The following FARP1 variants were observed in gnomAD, a reference collection of about 807,000 sequenced individuals.
FARP1 encodes the protein FERM, ARH/RhoGEF and pleckstrin domain protein 1.
Under a neutral mutation model 128.8 loss-of-function variants are expected in FARP1, and 52 were observed. That is an observed-to-expected ratio of 0.40 (90% confidence interval 0.32 to 0.51). FARP1 has a LOEUF of 0.51. Among genes scored for constraint, FARP1 ranks in the 20% least tolerant of loss-of-function variants. The pLI is 0.45. For missense variants in FARP1, 1,333 were observed against 1,367.9 expected, an observed-to-expected ratio of 0.97 and a Z score of 0.40; for synonymous variants, 580 against 551.8, an observed-to-expected ratio of 1.05 and a Z score of -0.72.
intron 2 of FARP1, among the ~76,000 whole-genome samples, chr13:98,280,973 A>G (rs1884908395): frequency 6.6e-6 from 1 of 152,232 alleles, no homozygotes; most frequent in Non-Finnish European, 1.5e-5. Flanking sequence ...CTAATCTGTT[A>G]CTACTTAATG....
chr13:98,441,061 CAT>C (rs932210985), intron 24 of FARP1, among the ~76,000 whole-genome samples: 42 of 152,372 alleles, frequency 2.8e-4, no homozygotes, highest in African/African-American at 8.7e-4. Flanking sequence ...CAAATGCAGT[CAT>C]ATCCCTTGGT....
chr13:98,287,193 A>C (rs1885212926), intron 2 of FARP1, among the ~76,000 whole-genome samples: 1 of 142,476 alleles, frequency 7.0e-6, no homozygotes, highest in Admixed American at 7.1e-5. Context: ...TTTCCAAATT[A>C]ACCATCAGAC....
At chr13:98,392,497 T>C (rs1198343324) in intron 11 of FARP1, among the ~76,000 whole-genome samples, 6 of 145,136 alleles carry the variant, frequency 4.1e-5, no homozygotes, top group Non-Finnish European at 5.9e-5. Context: ...CGAGATCCTG[T>C]CCCAAAAAAA....
chr13:98,334,371 A>G lies in FARP1; in HGVS notation c.172-9391A>G, dbSNP rs191823299. On this transcript the variant is annotated intron_variant, in intron 2 of 26. Transcript: ENST00000319562. ...GTAGTAACACCCTGTTCTGGCTTCT[A>G]ATATACTTTTGATACACACAGGCAG... The G allele has an allele frequency of 2.6e-5, 4 of 152,266 alleles. No homozygotes were observed. The East Asian group carries it at 5.8e-4, about 22-fold the overall frequency. The allele number at this position is 152,266 out of a possible 1,614,324, so 9.4% of individuals were successfully genotyped here.
At chr13:98,292,514 AC>A (rs1885495248) in intron 2 of FARP1, among the ~76,000 whole-genome samples, 1 of 152,246 alleles carries the variant, frequency 6.6e-6, no homozygotes, top group South Asian at 2.1e-4. Flanking sequence ...GTCACTTGCC[AC>A]ATGTGGCTAT....
chr13:98,259,494 C>T (rs1337261878), intron 2 of FARP1, among the ~76,000 whole-genome samples: 1 of 152,040 alleles, frequency 6.6e-6, no homozygotes, highest in African/African-American at 2.4e-5. Flanking sequence ...GTTGGGCCTC[C>T]CTCAGGCTTG....
Position 98,176,562 on chromosome 13 carries a change from C to T in FARP1, c.-24+33070C>T, listed in dbSNP as rs116765314. 677 of 1,614,220 alleles carry T rather than the reference C, an allele frequency of 4.2e-4. 2 individuals carry two copies. In the African/African-American group the frequency reaches 8.4e-3, roughly 20 times the overall value. On this transcript the variant is annotated intron_variant, in intron 1 of 26. Transcript: ENST00000319562. This position sits in a 1 kb window ranked among gnomAD's most constrained non-coding sequence, Gnocchi z 6.2. The stretch of plus-strand genomic sequence containing the variant: ...GACCCTCTTCAAGCTCCCGTTCAAT[C>T]TCCCACCCGAGCTTGTAATCGGAAC...
At chr13:98,183,720 G>C (rs1275079294) in intron 1 of FARP1, among the ~76,000 whole-genome samples, 1 of 152,152 alleles carries the variant, frequency 6.6e-6, no homozygotes, top group African/African-American at 2.4e-5. Flanking sequence ...AAACTGGTGT[G>C]GGGTATGCTG....
chr13:98,399,503 G>A (rs1890679437), intron 13 of FARP1: 1 of 152,278 alleles, frequency 6.6e-6, no homozygotes, highest in Non-Finnish European at 1.5e-5. Context: ...TGAACTAAGA[G>A]TGGAGGAAGG....
chr13:98,363,395 T>C (rs2139957473), intron 3 of FARP1, among the ~76,000 whole-genome samples: 1 of 152,304 alleles, frequency 6.6e-6, no homozygotes, highest in East Asian at 1.9e-4. Flanking sequence ...TATTGTGGTG[T>C]TTTGACATCT....
chr13:98,322,283 A>G (rs1887029205), intron 2 of FARP1, among the ~76,000 whole-genome samples: 1 of 152,234 alleles, frequency 6.6e-6, no homozygotes, highest in African/African-American at 2.4e-5. Flanking sequence ...GGGTGACAAG[A>G]GTGAAACTCC....
At chr13:98,198,003 C>A (rs1414240514) in intron 1 of FARP1, among the ~76,000 whole-genome samples, 5 of 152,122 alleles carry the variant, frequency 3.3e-5, no homozygotes, top group Non-Finnish European at 7.4e-5. Flanking sequence ...AACAATAATT[C>A]TTTACAGTTT....
intron 1 of FARP1, among the ~76,000 whole-genome samples, chr13:98,159,951 A>G (rs758592544): frequency 6.6e-6 from 1 of 152,114 alleles, no homozygotes; most frequent in Non-Finnish European, 1.5e-5. Flanking sequence ...TTTCATCATC[A>G]TTTTCGGCAT....
chr13:98,343,015 ACT>A (rs993509002), intron 2 of FARP1, among the ~76,000 whole-genome samples: 2 of 151,828 alleles, frequency 1.3e-5, no homozygotes, highest in African/African-American at 4.8e-5. Flanking sequence ...TAAGAGCAAA[ACT>A]CTGTCTCAAG....
In FARP1 at chr13:98,297,604, C is replaced by T. The variant is rs150802730; in HGVS notation, c.172-46158C>T. 7.5e-3 allele frequency among the ~76,000 whole-genome samples: 1,143 copies of T among 152,276 alleles called. 7 individuals are homozygous for T. Among genetic ancestry groups the T allele is most frequent in the South Asian group, 0.035 (168 of 4,826 alleles). On this transcript the variant is annotated intron_variant, in intron 2 of 26. Transcript: ENST00000319562. ...TGTTTAAATGAAATTATAAGAAGATCTGCCTGATTCTCTTTGGGTTATTAC... is the reference window on the plus strand; with the variant it reads ...TGTTTAAATGAAATTATAAGAAGATTTGCCTGATTCTCTTTGGGTTATTAC...
At chr13:98,294,726 T>A (rs1389710300) in intron 2 of FARP1, among the ~76,000 whole-genome samples, 1 of 152,122 alleles carries the variant, frequency 6.6e-6, no homozygotes, top group Non-Finnish European at 1.5e-5. Context: ...AAAATATGTA[T>A]GTCCCCAAGG....
chr13:98,390,762 T>G, intron 10 of FARP1, 50 bp from the exon 11 acceptor site: 228 of 1,365,120 alleles, frequency 1.7e-4, no homozygotes, highest in Non-Finnish European at 2.2e-4. Context: ...TGTGTTTAAA[T>G]GAGAATGCCT....
Position 98,213,202 on chromosome 13 carries a change from T to G in FARP1, c.-23-18T>G. The G allele has an allele frequency of 6.3e-7, 1 of 1,591,426 alleles. No individual in the cohort carries two copies. The highest frequency in any genetic ancestry group is 8.6e-7 in the Non-Finnish European group (1 of 1,168,690). On this transcript the variant is annotated intron_variant, in intron 1 of 26. Coordinates refer to ENST00000319562, the MANE Select transcript of FARP1 (RefSeq NM_005766.4). ...TCTCCTATTCTGATGTGTTTTTCTT[T>G]CTCACTGCTTCCTGCAGATATTCTC...
intron 2 of FARP1, among the ~76,000 whole-genome samples, chr13:98,299,978 G>T (rs1885854943): frequency 6.6e-6 from 1 of 152,178 alleles, no homozygotes; most frequent in Non-Finnish European, 1.5e-5. Context: ...TGCTACAGGA[G>T]CATTGAAAGC....
Sources: gnomAD v4.1 joint callset for allele counts (sites outside exome capture counted in the v4.1 genomes callset) on GRCh38, gnomAD v4.1.1 for gene constraint, Gnocchi (gnomAD v3.1) non-coding constraint, MANE v1.5 for transcripts, NCBI Gene and HGNC (gene_info 2026-07-23, HGNC 2026-07-21) for gene names.